MYO1D: variants seen among roughly 807,000 people sequenced by gnomAD.
The protein encoded by MYO1D is unconventional myosin-Id.
MYO1D carries 83 observed loss-of-function variants against 122.0 expected under a neutral mutation model. The observed-to-expected ratio is 0.68, with a 90% confidence interval of 0.57 to 0.82. The LOEUF (loss-of-function observed/expected upper bound fraction) is 0.82. Ranked by LOEUF, MYO1D falls within the 40% of genes least tolerant of loss-of-function variation. The probability of loss-of-function intolerance (pLI) is 0.00; values close to 1 mark genes in which losing one functional copy is unlikely to be tolerated. For missense variants in MYO1D, 1,157 were observed against 1,269.5 expected (o/e 0.91, Z 1.35); for synonymous variants, 464 against 446.9 (o/e 1.04, Z -0.48).
intron 21 of MYO1D, among the ~76,000 whole-genome samples, chr17:32,540,483 A>C (rs1270686875): frequency 1.3e-5 from 2 of 152,176 alleles, no homozygotes; most frequent in African/African-American, 4.8e-5. Flanking sequence ...AAAGTAGACA[A>C]AGGATCTAAA....
At chr17:32,722,875 T>C (rs1406526316) in intron 14 of MYO1D, among the ~76,000 whole-genome samples, 1 of 152,110 alleles carries the variant, frequency 6.6e-6, no homozygotes, top group Non-Finnish European at 1.5e-5. Context: ...TAGCTGGGCA[T>C]CTAGATAGCT....
chr17:32,556,657 T>C (rs887551801), intron 21 of MYO1D, among the ~76,000 whole-genome samples: 5 of 152,002 alleles, frequency 3.3e-5, no homozygotes, highest in Admixed American at 6.6e-5. Context: ...AGTGTCTGGA[T>C]TGTAGGCATG....
intron 1 of MYO1D, chr17:32,830,099 T>A (rs944200064): frequency 9.2e-5 from 14 of 152,228 alleles, no homozygotes; most frequent in African/African-American, 2.9e-4. Flanking sequence ...AATTTTACTT[T>A]ATTCTCTTTA....
intron 2 of MYO1D, among the ~76,000 whole-genome samples, chr17:32,779,834 G>A (rs2151028634): frequency 6.6e-6 from 1 of 152,296 alleles, no homozygotes; most frequent in African/African-American, 2.4e-5. Flanking sequence ...ATACCAGAGA[G>A]TTGTTTTGCT....
intron 21 of MYO1D, among the ~76,000 whole-genome samples, chr17:32,539,067 C>T (rs977640508): frequency 2.6e-5 from 4 of 151,940 alleles, no homozygotes; most frequent in Non-Finnish European, 5.9e-5. Context: ...TGTTTACCTA[C>T]GTAACAAACC....
intron 16 of MYO1D, among the ~76,000 whole-genome samples, chr17:32,695,643 C>G (rs1439870607): frequency 6.6e-6 from 1 of 152,194 alleles, no homozygotes; most frequent in Non-Finnish European, 1.5e-5. Flanking sequence ...CCCCTATGCA[C>G]AGCTGAGCTT....
chr17:32,500,321 G>A (rs148096490), intron 21 of MYO1D, among the ~76,000 whole-genome samples: 1 of 152,344 alleles, frequency 6.6e-6, no homozygotes, highest in East Asian at 1.9e-4. Context: ...GGGCACAACT[G>A]GTCAAGAGCC....
chr17:32,633,445 C>T (rs976008240), intron 20 of MYO1D, among the ~76,000 whole-genome samples: 10 of 152,178 alleles, frequency 6.6e-5, no homozygotes, highest in African/African-American at 2.4e-4. Context: ...AAATCTCCCC[C>T]AGGCTTGAGT....
At chr17:32,678,976 T>C (rs1419094325) in intron 16 of MYO1D, among the ~76,000 whole-genome samples, 3 of 149,260 alleles carry the variant, frequency 2.0e-5, no homozygotes, top group South Asian at 4.2e-4. Context: ...TGGCATCTCA[T>C]TGTGGTTTTG....
chr17:32,580,559 G>A (rs976984285), intron 21 of MYO1D, among the ~76,000 whole-genome samples: 21 of 151,410 alleles, frequency 1.4e-4, no homozygotes, highest in Admixed American at 5.9e-4. Context: ...ACAGGCGCCC[G>A]CCACCAGGCC....
intron 21 of MYO1D, among the ~76,000 whole-genome samples, chr17:32,590,405 C>T (rs1056903063): frequency 2.0e-5 from 3 of 152,176 alleles, no homozygotes; most frequent in African/African-American, 4.8e-5. Context: ...GCTGGTTTAT[C>T]CCCTGTGTTT....
chr17:32,679,762 T>C (rs1344747527), intron 16 of MYO1D, among the ~76,000 whole-genome samples: 1 of 152,148 alleles, frequency 6.6e-6, no homozygotes, highest in East Asian at 1.9e-4. Flanking sequence ...TGGTTCCATA[T>C]GAACTTTAAA....
At chr17:32,623,527 T>C (rs2087880354) in intron 20 of MYO1D, among the ~76,000 whole-genome samples, 1 of 152,186 alleles carries the variant, frequency 6.6e-6, no homozygotes, top group Non-Finnish European at 1.5e-5. Flanking sequence ...GTGATTTCTT[T>C]ATCTTATACT....
intron 16 of MYO1D, among the ~76,000 whole-genome samples, chr17:32,684,911 G>A (rs755026359): frequency 6.6e-6 from 1 of 152,112 alleles, no homozygotes; most frequent in African/African-American, 2.4e-5. Context: ...TCTTAAATCA[G>A]CTGGTTCTGT....
Position 32,712,145 on chromosome 17 carries a change from T to C in MYO1D, c.1964A>G (p.Asp655Gly), listed in dbSNP as rs781657029. 2 of 1,614,072 alleles carry C rather than the reference T, an allele frequency of 1.2e-6. No homozygotes were observed. The highest frequency in any genetic ancestry group is 2.2e-5 in the South Asian group (2 of 91,086). ...FTWPNHDLPS[D>G]KEAVKKLIER... ...AATTAGTTTCTTGACAGCCTCTTTG[T>C]CTGAAGGAAGGTCATGGTTGGGCCA... The change falls in exon 16 of 22, where the codon GAC (aspartate) becomes GGC (glycine). Residue 655 changes from aspartate (D) to glycine (G), a missense_variant. By Grantham distance (94) the Asp-to-Gly change is moderately conservative. Coordinates refer to ENST00000318217, the MANE Select transcript of MYO1D (RefSeq NM_015194.3).
chr17:32,718,609 G>C (rs1555646928), intron 15 of MYO1D, among the ~76,000 whole-genome samples: 1 of 152,104 alleles, frequency 6.6e-6, no homozygotes, highest in Non-Finnish European at 1.5e-5. Context: ...GCTGGGGTGG[G>C]AGAATCGCTT....
chr17:32,693,066 TTAACTA>T (rs1467789731), intron 16 of MYO1D, among the ~76,000 whole-genome samples: 3 of 152,222 alleles, frequency 2.0e-5, no homozygotes, highest in Non-Finnish European at 4.4e-5. Flanking sequence ...TGTATACATC[TTAACTA>T]TAAGACCTTT....
In MYO1D at chr17:32,843,919, C is replaced by T. The variant is rs1235553889; in HGVS notation, c.95+32859G>A. Reference sequence around the variant, plus strand: ...AATAAATATAAAAATGGTTAATTTGCATACATTTGACTTCTTGACTTCTTA... The same window carrying T: ...AATAAATATAAAAATGGTTAATTTGTATACATTTGACTTCTTGACTTCTTA... On this transcript the variant is annotated intron_variant, in intron 1 of 21. Transcript: ENST00000318217. 5.9e-5 allele frequency among the ~76,000 whole-genome samples: 9 copies of T among 152,078 alleles called. No individual in the cohort carries two copies. In the South Asian group the frequency reaches 1.9e-3, roughly 32 times the overall value.
intron 1 of MYO1D, among the ~76,000 whole-genome samples, chr17:32,809,029 A>G (rs2090545700): frequency 6.6e-6 from 1 of 152,042 alleles, no homozygotes; most frequent in South Asian, 2.1e-4. Flanking sequence ...ACACATATGT[A>G]TATTTAGGGT....
Sources: allele counts gnomAD v4.1 joint callset (sites outside exome capture counted in the v4.1 genomes callset), GRCh38; gene constraint gnomAD v4.1.1; transcripts MANE v1.5; gene names NCBI Gene and HGNC (gene_info 2026-07-23, HGNC 2026-07-21).